PAPPA: variants seen among roughly 807,000 people sequenced by gnomAD.
PAPPA encodes pappalysin 1, also known as pappalysin-1.
PAPPA carries 60 observed loss-of-function variants against 164.0 expected under a neutral mutation model. The ratio of observed to expected loss-of-function variants is 0.37; its 90% CI spans 0.30 to 0.45. The LOEUF is 0.45. PAPPA is among the 20% of genes least tolerant of loss of function. The probability of loss-of-function intolerance (pLI) is 1.00; values close to 1 mark genes in which losing one functional copy is unlikely to be tolerated. For missense variants in PAPPA, 1,782 were observed against 2,087.3 expected, an observed-to-expected ratio of 0.85 and a Z score of 2.85; for synonymous variants, 875 against 814.1, an observed-to-expected ratio of 1.07 and a Z score of -1.27.
intron 1 of PAPPA, among the ~76,000 whole-genome samples, chr9:116,169,245 T>A (rs1002745734): frequency 6.6e-6 from 1 of 150,616 alleles, no homozygotes; most frequent in Non-Finnish European, 1.5e-5. Flanking sequence ...AGTGAACCAG[T>A]ATACCATCTA....
At chr9:116,364,887 C>A (rs77371067) in intron 18 of PAPPA, among the ~76,000 whole-genome samples, 4,173 of 152,268 alleles carry the variant, frequency 0.027, 64 homozygotes, top group Non-Finnish European at 0.041. Flanking sequence ...CAAGTCCCCA[C>A]GGCTGGCACC....
chr9:116,316,112 C>T lies in PAPPA; in HGVS notation c.3147+13162C>T, dbSNP rs1345631376. On this transcript the variant is annotated intron_variant, in intron 10 of 21. Transcript: ENST00000328252. ...TCTACAGCCAGGAAGAAAGAAGCAGCAAGTGATGGAGGAAAATGTCAATTT... is the reference window on the plus strand; with the variant it reads ...TCTACAGCCAGGAAGAAAGAAGCAGTAAGTGATGGAGGAAAATGTCAATTT... 6.6e-5 allele frequency among the ~76,000 whole-genome samples: 10 copies of T among 152,192 alleles called. No individual in the cohort carries two copies. The East Asian group carries it at 1.9e-3, about 29-fold the overall frequency.
chr9:116,265,637 A>G (rs1344545309), intron 7 of PAPPA, among the ~76,000 whole-genome samples: 4 of 152,226 alleles, frequency 2.6e-5, no homozygotes, highest in Non-Finnish European at 5.9e-5. Flanking sequence ...TTATCAGTCA[A>G]TTGATGCTGG....
intron 2 of PAPPA, among the ~76,000 whole-genome samples, chr9:116,192,960 C>T (rs1447163324): frequency 6.6e-6 from 1 of 152,126 alleles, no homozygotes; most frequent in Non-Finnish European, 1.5e-5. Context: ...TGGACCCTTC[C>T]AAACCCTGGC....
intron 1 of PAPPA, among the ~76,000 whole-genome samples, chr9:116,158,212 T>C (rs931972278): frequency 6.6e-6 from 1 of 152,126 alleles, no homozygotes; most frequent in African/African-American, 2.4e-5. Flanking sequence ...AGAATCTTTT[T>C]TTCCTTCCCT....
chr9:116,272,657 A>T (rs543305749), intron 9 of PAPPA, among the ~76,000 whole-genome samples: 1 of 152,338 alleles, frequency 6.6e-6, no homozygotes, highest in African/African-American at 2.4e-5. Flanking sequence ...ATGCCCCAGG[A>T]GAAAAGACAT....
At chr9:116,329,304 G>T (rs1274703631) in intron 10 of PAPPA, among the ~76,000 whole-genome samples, 2 of 152,040 alleles carry the variant, frequency 1.3e-5, no homozygotes, top group African/African-American at 4.8e-5. Context: ...GATGTTGATG[G>T]TTTTATATCT....
In PAPPA at chr9:116,285,518, G is replaced by A. The variant is rs552564934; in HGVS notation, c.2953+14102G>A. Among the ~76,000 whole-genome samples the A allele has an allele frequency of 6.6e-5, 10 of 152,240 alleles. No individual in the cohort carries two copies. In the South Asian group the frequency reaches 1.2e-3, roughly 19 times the overall value. ...ATTTGCTCACAGTGTCCCCCTGCTG[G>A]AATGTGCTCCTCACCACCCGTTCCT... On this transcript the variant is annotated intron_variant, in intron 9 of 21. Coordinates refer to ENST00000328252, the MANE Select transcript of PAPPA (RefSeq NM_002581.5).
chr9:116,313,012 G>A (rs1845740808), intron 10 of PAPPA, among the ~76,000 whole-genome samples: 1 of 150,286 alleles, frequency 6.7e-6, no homozygotes, highest in African/African-American at 2.4e-5. Flanking sequence ...GAACCCGGGA[G>A]GCAGAGCTTG....
At position 116,331,344 on chromosome 9, in the gene PAPPA, C is replaced by T. The variant is rs997439932; in HGVS notation, c.3248C>T (p.Thr1083Ile). The change falls in exon 11 of 22, where the codon ACT (threonine) becomes ATT (isoleucine). Residue 1083 changes from threonine to isoleucine, a missense_variant. By Grantham distance (89) the Thr-to-Ile change is moderately conservative. This residue lies in a region of PAPPA where 1,324 missense variants were observed against 1,656.9 expected (regional missense o/e 0.80). Transcript: ENST00000328252. Reference sequence around the variant, plus strand: ...CCATATTCCCAGCTGGCTCAGACCACTTTTTGGCTCCGGGTAAGCTGAAGC... The same window carrying T: ...CCATATTCCCAGCTGGCTCAGACCATTTTTTGGCTCCGGGTAAGCTGAAGC... Reference protein sequence around the residue: ...SYPYSQLAQTTFWLRAYFSQP... With the variant: ...SYPYSQLAQTIFWLRAYFSQP... 6.2e-7 allele frequency: 1 copy of T among 1,609,734 alleles called. No individual in the cohort carries two copies. Among genetic ancestry groups the T allele is most frequent in the African/African-American group, 1.3e-5 (1 of 74,876 alleles).
intron 2 of PAPPA, among the ~76,000 whole-genome samples, chr9:116,199,451 C>A (rs1844145521): frequency 2.0e-5 from 3 of 152,196 alleles, no homozygotes; most frequent in Non-Finnish European, 4.4e-5. Flanking sequence ...TGTGTGAATA[C>A]CACTACTTCT....
chr9:116,398,363 A>G lies in PAPPA; in HGVS notation c.*1747A>G, dbSNP rs1846994629. On this transcript the variant is annotated 3_prime_UTR_variant, in exon 22 of 22. Transcript: ENST00000328252. ...CTGTAAATCAAGTCATCTCAAGTCT[A>G]GTGAAGACAGCCAACAGAAACAAAA... is the stretch of plus-strand genomic sequence containing the variant. 3.0e-6 allele frequency: 1 copy of G among 333,782 alleles called. No individual in the cohort carries two copies. Among genetic ancestry groups the G allele is most frequent in the Admixed American group, 4.4e-5 (1 of 22,988 alleles). 20.7% of individuals were successfully genotyped at this position (333,782 alleles called of 1,614,324 possible).
At chr9:116,346,003 C>T (rs1304896386) in intron 14 of PAPPA, among the ~76,000 whole-genome samples, 1 of 152,200 alleles carries the variant, frequency 6.6e-6, no homozygotes, top group Non-Finnish European at 1.5e-5. Context: ...TGGACTTGCT[C>T]TTCTTAGACA....
chr9:116,278,517 A>C lies in PAPPA; in HGVS notation c.2953+7101A>C, dbSNP rs538343130. On this transcript the variant is annotated intron_variant, in intron 9 of 21. Transcript: ENST00000328252. The stretch of plus-strand genomic sequence containing the variant: ...CCTTGTGCCATTTTCATGAGTCATG[A>C]AACAACAATTTTCAGTTATTATCAC... 3.3e-4 allele frequency among the ~76,000 whole-genome samples: 50 copies of C among 152,358 alleles called. 1 individual carries two copies. The South Asian group carries it at 3.3e-3, about 10-fold the overall frequency.
chr9:116,368,715 G>A (rs774198636), intron 19 of PAPPA, among the ~76,000 whole-genome samples: 1 of 152,214 alleles, frequency 6.6e-6, no homozygotes, highest in Non-Finnish European at 1.5e-5. Flanking sequence ...GGGTTGCGGG[G>A]TGGGCGAGGT....
chr9:116,194,912 T>G (rs1844085888), intron 2 of PAPPA, among the ~76,000 whole-genome samples: 2 of 152,206 alleles, frequency 1.3e-5, no homozygotes, highest in South Asian at 4.1e-4. Flanking sequence ...AATATTAACT[T>G]TTTTTAAAGG....
chr9:116,171,810 G>C (rs376077367), intron 1 of PAPPA, among the ~76,000 whole-genome samples: 1 of 152,284 alleles, frequency 6.6e-6, no homozygotes, highest in East Asian at 1.9e-4. Context: ...ATATCTAGGA[G>C]ACAAAGCCCA....
chr9:116,342,377 A>G lies in PAPPA; in HGVS notation c.3612-2166A>G, dbSNP rs527700924. Reference sequence around the variant, plus strand: ...AGGGCAGAGAATTGGAGTTGTCTCAACAAGTGTTCCTTAATGCCAGTTGCC... The same window carrying G: ...AGGGCAGAGAATTGGAGTTGTCTCAGCAAGTGTTCCTTAATGCCAGTTGCC... On this transcript the variant is annotated intron_variant, in intron 13 of 21. Transcript: ENST00000328252. Among the ~76,000 whole-genome samples the G allele has an allele frequency of 3.9e-5, 6 of 152,364 alleles. No homozygotes were observed. In the East Asian group the frequency reaches 9.7e-4, roughly 25 times the overall value.
At chr9:116,280,608 G>A (rs975929066) in intron 9 of PAPPA, among the ~76,000 whole-genome samples, 1 of 152,176 alleles carries the variant, frequency 6.6e-6, no homozygotes, top group African/African-American at 2.4e-5. Flanking sequence ...TGGTGAAGCT[G>A]CTATTTACGG....
Sources: gnomAD v4.1 joint callset for allele counts (sites outside exome capture counted in the v4.1 genomes callset) on GRCh38, gnomAD v4.1.1 for gene constraint, gnomAD v4.1.1 regional missense constraint, MANE v1.5 for transcripts, NCBI Gene and HGNC (gene_info 2026-07-23, HGNC 2026-07-21) for gene names.